The following PDZD9 variants were observed in gnomAD, a reference collection of about 807,000 sequenced individuals.
PDZD9 encodes the protein PDZ domain containing 9.
A neutral mutation model predicts 16.3 loss-of-function variants in PDZD9; 13 were observed. That is an observed-to-expected ratio of 0.80 (90% CI 0.52 to 1.27). The LOEUF is 1.27. Among genes scored for constraint, PDZD9 ranks in the 50% most tolerant of loss-of-function variants. The pLI is 0.00. For synonymous variants in PDZD9, 120 were observed against 111.0 expected (o/e 1.08, Z -0.51); for missense variants, 288 against 310.9 (o/e 0.93, Z 0.55).
At chr16:21,965,489 A>G in the PDZD9 span, 15 of 1,605,408 alleles carry the variant, frequency 9.3e-6, no homozygotes, top group Non-Finnish European at 1.2e-5. Flanking sequence ...AGGATTGGAA[A>G]AGTGACATCA....
downstream of PDZD9, chr16:21,980,373 A>T: frequency 1.4e-6 from 1 of 693,780 alleles, no homozygotes; most frequent in Non-Finnish European, 2.3e-6. Flanking sequence ...TTACTGTTTT[A>T]GTATGTTCCA....
chr16:21,962,762 G>A, the PDZD9 span: 1 of 1,614,060 alleles, frequency 6.2e-7, no homozygotes, highest in Non-Finnish European at 8.5e-7. Context: ...CTTCTGTAGT[G>A]ATATTCTAAT....
Position 21,984,282 on chromosome 16 carries a change from T to C in PDZD9, c.780A>G (p.Val260=), listed in dbSNP as rs371035603. 8 of 1,607,384 alleles carry C rather than the reference T, an allele frequency of 5.0e-6. No individual in the cohort carries two copies. The highest frequency in any genetic ancestry group is 6.8e-6 in the Non-Finnish European group (8 of 1,175,312). Residue 260 remains valine, a synonymous_variant, in exon 4 of 4, where the codon GTA becomes GTG. Coordinates refer to ENST00000424898, the MANE Select transcript of PDZD9 (RefSeq NM_001363519.1). ...CACAGATTTGCTAACCAACCTTTGA[T>C]ACCAGTTGGGCTTTACCCTCTTCAA... is the stretch of plus-strand genomic sequence containing the variant. ...AQVEEGKAQL[V]SKVG
At chr16:21,972,517 G>C in the PDZD9 span, among the ~76,000 whole-genome samples, 1 of 152,190 alleles carries the variant, frequency 6.6e-6, no homozygotes, top group African/African-American at 2.4e-5. Flanking sequence ...CAACCAAGTG[G>C]ACAAGATGAA....
the PDZD9 span, chr16:21,971,902 C>G: frequency 1.2e-6 from 2 of 1,612,702 alleles, no homozygotes; most frequent in East Asian, 2.2e-5. Context: ...CTTCTTCCCT[C>G]TATCCTTAAT....
chr16:21,958,506 A>G, the PDZD9 span: 25 of 1,608,714 alleles, frequency 1.6e-5, no homozygotes, highest in Middle Eastern at 6.6e-4. Context: ...TTGAAAAGCT[A>G]CAAAGATAAT....
intron 2 of PDZD9, 119 bp from the exon 3 acceptor site, chr16:21,988,910 C>A: frequency 4.1e-6 from 3 of 737,248 alleles, no homozygotes; most frequent in Non-Finnish European, 6.0e-6. Flanking sequence ...TCTTTTTGAA[C>A]CAAAACCAGG....
intron 1 of PDZD9, among the ~76,000 whole-genome samples, chr16:22,000,781 GC>G (rs1899275402): frequency 6.6e-6 from 1 of 150,980 alleles, no homozygotes; most frequent in Admixed American, 6.6e-5. Context: ...CTGAGATCGC[GC>G]CACTGCACTC....
intron 3 of PDZD9, among the ~76,000 whole-genome samples, chr16:21,988,003 C>CTTTTTTTTTTTTTT (rs773101505): frequency 2.0e-5 from 2 of 100,722 alleles, no homozygotes; most frequent in Non-Finnish European, 1.9e-5. Context: ...GCAAGAAGCA[C>CTTTTTTTTTTTTTT]TTTTTTTTTT....
chr16:21,985,599 T>C (rs1173334792), intron 3 of PDZD9, among the ~76,000 whole-genome samples: 1 of 152,232 alleles, frequency 6.6e-6, no homozygotes, highest in Non-Finnish European at 1.5e-5. Flanking sequence ...GAATGAATGC[T>C]CTGTCACCTG....
chr16:21,969,291 T>C, the PDZD9 span, among the ~76,000 whole-genome samples: 35 of 152,146 alleles, frequency 2.3e-4, no homozygotes, highest in Non-Finnish European at 1.0e-4. Context: ...CCTAGCACTT[T>C]GGGAGGCTGA....
the PDZD9 span, chr16:21,961,212 C>T: frequency 9.8e-6 from 3 of 305,556 alleles, no homozygotes; most frequent in South Asian, 7.8e-5. Flanking sequence ...TTGATACAAC[C>T]ACTTAGGAAA....
intron 2 of PDZD9, among the ~76,000 whole-genome samples, chr16:21,994,032 AAAAAT>A (rs141485324): frequency 0.026 from 3,989 of 152,132 alleles, 170 homozygotes; most frequent in African/African-American, 0.09. Context: ...CAAAAAAATA[AAAAAT>A]AAAATAAAAA....
the PDZD9 span, among the ~76,000 whole-genome samples, chr16:21,958,365 G>A: frequency 1.3e-5 from 2 of 152,126 alleles, no homozygotes; most frequent in African/African-American, 4.8e-5. Context: ...ATGTAAAAAT[G>A]TATACTTAAG....
At chr16:21,973,941 A>G in the PDZD9 span, 1 of 1,611,928 alleles carries the variant, frequency 6.2e-7, no homozygotes, top group Non-Finnish European at 8.5e-7. Context: ...ACTCTTTGGG[A>G]TTTATACTAT....
chr16:21,992,078 G>A (rs116843175), intron 2 of PDZD9, among the ~76,000 whole-genome samples: 19 of 152,042 alleles, frequency 1.2e-4, no homozygotes, highest in African/African-American at 2.4e-4. Flanking sequence ...TAGATAACAC[G>A]TGGGGCCAGG....
intron 1 of PDZD9, 32 bp downstream of exon 1, chr16:22,000,985 G>T: frequency 6.5e-7 from 1 of 1,531,520 alleles, no homozygotes; most frequent in Non-Finnish European, 8.7e-7. Flanking sequence ...GGTCCCCAGG[G>T]CTTCTTCACC....
At chr16:21,981,370 A>C (rs562391025), downstream of PDZD9, among the ~76,000 whole-genome samples, 19 of 152,184 alleles carry the variant, frequency 1.2e-4, no homozygotes, top group Non-Finnish European at 2.1e-4. Flanking sequence ...TTTCTACATT[A>C]AACTTGCCAA....
the PDZD9 span, chr16:21,971,726 G>A: frequency 4.4e-6 from 6 of 1,358,688 alleles, no homozygotes; most frequent in Admixed American, 1.9e-5. Flanking sequence ...GAACAGTCTC[G>A]GCATAGAATT....
Sources: gnomAD v4.1 joint callset for allele counts (sites outside exome capture counted in the v4.1 genomes callset) on GRCh38, gnomAD v4.1.1 for gene constraint, MANE v1.5 for transcripts, NCBI Gene and HGNC (gene_info 2026-07-23, HGNC 2026-07-21) for gene names.